GPR39: variants seen among roughly 807,000 people sequenced by gnomAD.
GPR39 encodes G protein-coupled receptor 39, also known as zinc sensing receptor.
GPR39 carries 23 observed loss-of-function variants against 18.4 expected under a neutral mutation model. The observed-to-expected ratio is 1.25, with a 90% CI of 0.90 to 1.77. The LOEUF is 1.77. Ranked by LOEUF, GPR39 falls within the 40% of genes most tolerant of loss-of-function variation. GPR39 has a pLI of 0.00. For missense variants in GPR39, 647 were observed against 602.4 expected (o/e 1.07, Z -0.78); for synonymous variants, 280 against 257.9 (o/e 1.09, Z -0.82).
intron 1 of GPR39, among the ~76,000 whole-genome samples, chr2:132,449,076 T>C (rs1680587696): frequency 6.6e-6 from 1 of 152,234 alleles, no homozygotes; most frequent in Admixed American, 6.5e-5. Flanking sequence ...CATTGGAGAA[T>C]AGTCAAAATA....
chr2:132,489,149 G>T (rs766378437), intron 1 of GPR39: 46 of 238,538 alleles, frequency 1.9e-4, no homozygotes, highest in Non-Finnish European at 1.8e-4. Flanking sequence ...ACTTCCTGGG[G>T]TTATTCTTCT....
intron 1 of GPR39, among the ~76,000 whole-genome samples, chr2:132,531,508 T>C (rs1381553617): frequency 1.3e-5 from 2 of 152,192 alleles, no homozygotes; most frequent in Non-Finnish European, 2.9e-5. Flanking sequence ...GTGGACCTAA[T>C]AGACAACTAC....
At chr2:132,602,800 A>C (rs1681066087) in intron 1 of GPR39, among the ~76,000 whole-genome samples, 1 of 151,852 alleles carries the variant, frequency 6.6e-6, no homozygotes, top group African/African-American at 2.4e-5. Context: ...CAACATCACT[A>C]ATCATCAGGG....
At chr2:132,598,452 T>TTTTTTA (rs61327558) in intron 1 of GPR39, among the ~76,000 whole-genome samples, 16 of 140,926 alleles carry the variant, frequency 1.1e-4, no homozygotes, top group African/African-American at 3.8e-4. Flanking sequence ...TTTTTTTTTT[T>TTTTTTA]AAGCAATGGG....
At chr2:132,454,453 C>A (rs1376172409) in intron 1 of GPR39, among the ~76,000 whole-genome samples, 1 of 152,160 alleles carries the variant, frequency 6.6e-6, no homozygotes, top group Non-Finnish European at 1.5e-5. Context: ...TTCCTCATTT[C>A]CTAATTGAAT....
chr2:132,535,415 T>G (rs976694908), intron 1 of GPR39, among the ~76,000 whole-genome samples: 4 of 150,734 alleles, frequency 2.7e-5, no homozygotes, highest in Admixed American at 2.0e-4. Context: ...GGGATGAAGC[T>G]GACTTCATGG....
chr2:132,584,495 T>C (rs1343697761), intron 1 of GPR39, among the ~76,000 whole-genome samples: 1 of 151,824 alleles, frequency 6.6e-6, no homozygotes, highest in Non-Finnish European at 1.5e-5. Context: ...CCTGGAGAGG[T>C]ACCCAGAGGG....
At chr2:132,543,881 A>T (rs3115029) in intron 1 of GPR39, among the ~76,000 whole-genome samples, 37,669 of 152,078 alleles carry the variant, frequency 0.25, 5,145 homozygotes, top group African/African-American at 0.37. Flanking sequence ...CCCCAGTGGC[A>T]TGCAAGCAAG....
intron 1 of GPR39, among the ~76,000 whole-genome samples, chr2:132,595,473 T>C (rs983103618): frequency 6.6e-6 from 1 of 152,168 alleles, no homozygotes; most frequent in Admixed American, 6.6e-5. Flanking sequence ...GTCCTTGTCC[T>C]GTGTGGCCTG....
chr2:132,502,981 T>C (rs551026007), intron 1 of GPR39, among the ~76,000 whole-genome samples: 1 of 152,322 alleles, frequency 6.6e-6, no homozygotes, highest in South Asian at 2.1e-4. Flanking sequence ...TCCTGTATCA[T>C]GTTTTTGATT....
intron 1 of GPR39, among the ~76,000 whole-genome samples, chr2:132,598,521 A>G (rs1008097254): frequency 1.8e-4 from 27 of 149,594 alleles, no homozygotes; most frequent in African/African-American, 6.4e-4. Context: ...AGGGATAAGA[A>G]CACCAGTAGA....
At chr2:132,591,219 C>T (rs1028023227) in intron 1 of GPR39, among the ~76,000 whole-genome samples, 11 of 135,292 alleles carry the variant, frequency 8.1e-5, no homozygotes, top group South Asian at 7.5e-4. Flanking sequence ...CCACTGCAGT[C>T]CGCAGTCCGG....
At chr2:132,437,748 C>A (rs1315182826) in intron 1 of GPR39, among the ~76,000 whole-genome samples, 2 of 152,118 alleles carry the variant, frequency 1.3e-5, no homozygotes, top group Non-Finnish European at 2.9e-5. Flanking sequence ...TCCTTGACTG[C>A]AAGGAAATTG....
intron 1 of GPR39, among the ~76,000 whole-genome samples, chr2:132,508,596 C>A (rs1679179586): frequency 6.6e-6 from 1 of 152,226 alleles, no homozygotes; most frequent in Non-Finnish European, 1.5e-5. Context: ...GACTAACAAG[C>A]CAGAGGAGCC....
intron 1 of GPR39, among the ~76,000 whole-genome samples, chr2:132,438,573 CTTTTTTTTT>C (rs35614907): frequency 3.1e-5 from 3 of 97,766 alleles, no homozygotes; most frequent in Non-Finnish European, 3.9e-5. Flanking sequence ...TGTCAGCAAG[CTTTTTTTTT>C]TTTTTTTTTT....
At chr2:132,492,600 TATATACACACCATCTATATATAC>T (rs1681503226) in intron 1 of GPR39, among the ~76,000 whole-genome samples, 2 of 141,558 alleles carry the variant, frequency 1.4e-5, no homozygotes, top group Admixed American at 1.4e-4. Flanking sequence ...ATATATACCA[TATATACACACCATCTATATATAC>T]AATATATATA....
chr2:132,427,269 ATACTCCTGCCTC>A (rs1680142872), intron 1 of GPR39, among the ~76,000 whole-genome samples: 1 of 146,892 alleles, frequency 6.8e-6, no homozygotes, highest in Non-Finnish European at 1.5e-5. Flanking sequence ...GGTTCATGCC[ATACTCCTGCCTC>A]AGCCCCCGAG....
chr2:132,594,311 G>A (rs1338815284), intron 1 of GPR39, among the ~76,000 whole-genome samples: 1 of 152,080 alleles, frequency 6.6e-6, no homozygotes, highest in African/African-American at 2.4e-5. Context: ...GTCTTTTTTG[G>A]CTAAAATGAT....
Position 132,579,828 on chromosome 2 carries a change from C to T in GPR39, c.857-65273C>T, listed in dbSNP as rs79825045. 6.8e-3 allele frequency among the ~76,000 whole-genome samples: 1,031 copies of T among 152,170 alleles called. 11 individuals carry two copies. Among genetic ancestry groups the T allele is most frequent in the African/African-American group, 0.023 (972 of 41,520 alleles). On this transcript the variant is annotated intron_variant, in intron 1 of 1. Coordinates refer to ENST00000329321, the MANE Select transcript of GPR39 (RefSeq NM_001508.3). ...TTAAATGTTTCTTCAACATGAAGTA[C>T]ATTGTATTTCTTAATTATTCTTAGA...
Sources: gnomAD v4.1 joint callset for allele counts (sites outside exome capture counted in the v4.1 genomes callset) on GRCh38, gnomAD v4.1.1 for gene constraint, MANE v1.5 for transcripts, NCBI Gene and HGNC (gene_info 2026-07-23, HGNC 2026-07-21) for gene names.